FHOD3: variants seen among roughly 807,000 people sequenced by gnomAD.
FHOD3 encodes the protein FH1/FH2 domain-containing protein 3.
Under a neutral mutation model 173.0 loss-of-function variants are expected in FHOD3, and 90 were observed. The ratio of observed to expected loss-of-function variants is 0.52; its 90% CI spans 0.44 to 0.62. The LOEUF (loss-of-function observed/expected upper bound fraction) is 0.62, where lower values mean the gene tolerates loss of function less well. FHOD3 is among the 20% of genes least tolerant of loss of function. The pLI is 0.00. For missense variants in FHOD3, 1,945 were observed against 2,034.7 expected (o/e 0.96, Z 0.85); for synonymous variants, 828 against 823.0 (o/e 1.01, Z -0.10).
At chr18:36,636,106 C>T (rs541662741) in intron 10 of FHOD3, among the ~76,000 whole-genome samples, 1 of 152,318 alleles carries the variant, frequency 6.6e-6, no homozygotes, top group East Asian at 1.9e-4. Context: ...GGCCAAGTTT[C>T]CCTTTGACCT....
chr18:36,559,672 A>G (rs986830338), intron 5 of FHOD3, among the ~76,000 whole-genome samples: 13 of 152,250 alleles, frequency 8.5e-5, no homozygotes, highest in Non-Finnish European at 1.8e-4. Context: ...TTTCATCATT[A>G]TCATATCCTG....
rs185371326 is a variant in FHOD3, at chr18:36,735,611, G to A, written c.3576+4807G>A. Among the ~76,000 whole-genome samples, 6 of 152,198 alleles carry A rather than the reference G, an allele frequency of 3.9e-5. No homozygotes were observed. The East Asian group carries it at 1.2e-3, about 29-fold the overall frequency. ...TGCCTCAATGAATAATCATAAGAAT[G>A]AAAGAAGATACTATCAAGATGCTTT... On this transcript the variant is annotated intron_variant, in intron 20 of 28. Coordinates refer to ENST00000590592, the MANE Select transcript of FHOD3 (RefSeq NM_001281740.3).
chr18:36,356,636 T>G (rs1359900569), intron 2 of FHOD3, among the ~76,000 whole-genome samples: 1 of 151,722 alleles, frequency 6.6e-6, no homozygotes, highest in African/African-American at 2.4e-5. Flanking sequence ...ATTTTATATA[T>G]ATATATATGT....
At position 36,568,326 on chromosome 18, in the gene FHOD3, C is replaced by CAAAA. The variant is rs71168234; in HGVS notation, c.512-8087_512-8084dup. On this transcript the variant is annotated intron_variant, in intron 5 of 28. Transcript: ENST00000590592. ...CTGGGCGACAGAGCAGACTCTGTCT[C>CAAAA]AAAAAAAAAAAAAAAAAAAAAAAAA... Among the ~76,000 whole-genome samples, 7 of 24,064 alleles carry CAAAA rather than the reference C, an allele frequency of 2.9e-4. 2 individuals carry two copies. Among genetic ancestry groups the CAAAA allele is most frequent in the African/African-American group, 6.3e-4 (4 of 6,324 alleles). The allele number at this position is 24,064 out of a possible 152,430, so 15.8% of individuals were successfully genotyped here. A position where few individuals can be genotyped will look rare whatever the true frequency, so the allele number is the denominator to read the frequency against.
chr18:36,550,041 C>T (rs900951153), intron 5 of FHOD3, among the ~76,000 whole-genome samples: 5 of 151,746 alleles, frequency 3.3e-5, no homozygotes, highest in Non-Finnish European at 7.4e-5. Flanking sequence ...ACTGTTCCAG[C>T]ACCAACTATT....
intron 3 of FHOD3, among the ~76,000 whole-genome samples, chr18:36,432,332 C>T (rs2050592958): frequency 1.3e-5 from 2 of 152,160 alleles, no homozygotes; most frequent in Non-Finnish European, 2.9e-5. Flanking sequence ...ATAGGACTGT[C>T]AACTTTGGTG....
chr18:36,423,937 A>G (rs2050117371), intron 3 of FHOD3, among the ~76,000 whole-genome samples: 1 of 152,228 alleles, frequency 6.6e-6, no homozygotes, highest in South Asian at 2.1e-4. Flanking sequence ...CATGATTGAC[A>G]TATTAGGGGA....
intron 3 of FHOD3, among the ~76,000 whole-genome samples, chr18:36,415,663 T>TCATA (rs2049600457): frequency 6.6e-6 from 1 of 152,340 alleles, no homozygotes; most frequent in East Asian, 1.9e-4. Context: ...GAAACCCAAG[T>TCATA]CATACGGTAA....
intron 20 of FHOD3, among the ~76,000 whole-genome samples, chr18:36,739,095 G>A (rs1477449166): frequency 6.6e-6 from 1 of 152,128 alleles, no homozygotes; most frequent in Non-Finnish European, 1.5e-5. Context: ...TTGCTCATAG[G>A]TATAAGCTAC....
intron 3 of FHOD3, among the ~76,000 whole-genome samples, chr18:36,433,660 A>C (rs949310667): frequency 1.3e-5 from 2 of 152,182 alleles, no homozygotes; most frequent in Non-Finnish European, 2.9e-5. Flanking sequence ...CATTTATAGT[A>C]ATTTAATACT....
chr18:36,351,176 C>G (rs1047358157), intron 1 of FHOD3, among the ~76,000 whole-genome samples: 2 of 152,192 alleles, frequency 1.3e-5, no homozygotes, highest in African/African-American at 4.8e-5. Flanking sequence ...AGGGCAGCCC[C>G]TCTTCCTATA....
At chr18:36,624,462 G>GAGGCCAGAGATAGAGTCCCTGGCTACGA (rs2033942672) in intron 9 of FHOD3, among the ~76,000 whole-genome samples, 1 of 152,150 alleles carries the variant, frequency 6.6e-6, no homozygotes, top group African/African-American at 2.4e-5. Flanking sequence ...ATAACAATTA[G>GAGGCCAGAGATAGAGTCCCTGGCTACGA]AGGCCAGAGA....
intron 3 of FHOD3, among the ~76,000 whole-genome samples, chr18:36,423,729 T>C (rs2050105775): frequency 6.6e-6 from 1 of 152,202 alleles, no homozygotes; most frequent in Non-Finnish European, 1.5e-5. Flanking sequence ...TGCAGGCTCT[T>C]ACATAAATGC....
intron 1 of FHOD3, among the ~76,000 whole-genome samples, chr18:36,310,434 C>T (rs2092224694): frequency 6.6e-6 from 1 of 151,890 alleles, no homozygotes; most frequent in African/African-American, 2.4e-5. Context: ...ACCTGTAATC[C>T]CACCACTTCA....
At chr18:36,348,190 G>A (rs2045954554) in intron 1 of FHOD3, among the ~76,000 whole-genome samples, 1 of 152,162 alleles carries the variant, frequency 6.6e-6, no homozygotes, top group South Asian at 2.1e-4. Context: ...CCTTGTCTCT[G>A]CTCCATTTAA....
At chr18:36,592,948 C>A (rs1299667590) in intron 6 of FHOD3, among the ~76,000 whole-genome samples, 1 of 152,128 alleles carries the variant, frequency 6.6e-6, no homozygotes, top group African/African-American at 2.4e-5. Context: ...CTTAGATGGA[C>A]TTTCAAACCA....
intron 3 of FHOD3, among the ~76,000 whole-genome samples, chr18:36,438,241 C>G (rs1458680149): frequency 1.3e-5 from 2 of 152,164 alleles, no homozygotes; most frequent in African/African-American, 4.8e-5. Flanking sequence ...GCTGAGGAGC[C>G]AGCAGGCCCC....
At chr18:36,656,491 C>T (rs2036435685) in intron 13 of FHOD3, among the ~76,000 whole-genome samples, 1 of 152,138 alleles carries the variant, frequency 6.6e-6, no homozygotes, top group Non-Finnish European at 1.5e-5. Context: ...TAAATAAGGA[C>T]AGCAACAGCC....
chr18:36,348,850 G>T (rs1475931347), intron 1 of FHOD3, among the ~76,000 whole-genome samples: 2 of 152,202 alleles, frequency 1.3e-5, no homozygotes, highest in Non-Finnish European at 2.9e-5. Flanking sequence ...CCTTGAGCCT[G>T]CAGTGTCGTG....
Sources: gnomAD v4.1 joint callset for allele counts (sites outside exome capture counted in the v4.1 genomes callset) on GRCh38, gnomAD v4.1.1 for gene constraint, MANE v1.5 for transcripts, NCBI Gene and HGNC (gene_info 2026-07-23, HGNC 2026-07-21) for gene names.